LRP1B: variants seen among roughly 807,000 people sequenced by gnomAD.
LRP1B encodes low-density lipoprotein receptor-related protein 1B.
A neutral mutation model predicts 556.6 loss-of-function variants in LRP1B; 217 were observed. The observed-to-expected ratio is 0.39, with a 90% CI of 0.35 to 0.44. The LOEUF is 0.44. Among genes scored for constraint, LRP1B ranks in the 20% least tolerant of loss-of-function variants. The probability of loss-of-function intolerance (pLI) is 1.00; values close to 1 mark genes in which losing one functional copy is unlikely to be tolerated. For missense variants in LRP1B, 5,053 were observed against 5,620.8 expected, an observed-to-expected ratio of 0.90 and a Z score of 3.23; for synonymous variants, 2,047 against 1,865.8, an observed-to-expected ratio of 1.10 and a Z score of -2.50.
intron 1 of LRP1B, among the ~76,000 whole-genome samples, chr2:141,986,042 C>T (rs1702177964): frequency 6.6e-6 from 1 of 151,840 alleles, no homozygotes; most frequent in Non-Finnish European, 1.5e-5. Flanking sequence ...ATTATGTAGA[C>T]ATAAGTAATA....
chr2:142,094,625 GAATT>G (rs1274798030), intron 1 of LRP1B, among the ~76,000 whole-genome samples: 5 of 151,822 alleles, frequency 3.3e-5, no homozygotes, highest in Non-Finnish European at 7.4e-5. Context: ...TTGTTAAATT[GAATT>G]AATAAAAGAT....
intron 3 of LRP1B, among the ~76,000 whole-genome samples, chr2:141,377,456 G>A (rs958532924): frequency 3.3e-5 from 5 of 151,940 alleles, no homozygotes; most frequent in Non-Finnish European, 7.4e-5. Context: ...GTAGTTTAAA[G>A]ACAGGTTCTA....
intron 3 of LRP1B, among the ~76,000 whole-genome samples, chr2:141,451,974 A>G (rs1332156753): frequency 6.6e-6 from 1 of 152,194 alleles, no homozygotes; most frequent in Non-Finnish European, 1.5e-5. Flanking sequence ...TTTACATTTC[A>G]TTTATCCCTT....
Position 141,818,531 on chromosome 2 carries a change from C to CTTTTTTTTTTTTT in LRP1B, c.83-8143_83-8131dup, listed in dbSNP as rs70994453. On this transcript the variant is annotated intron_variant, in intron 1 of 90. Transcript: ENST00000389484. ...TTCCCTAAATATAACATTTCTGTAT[C>CTTTTTTTTTTTTT]TTTTTTTTTTTTTTTTTTTTTTTGA... Among the ~76,000 whole-genome samples the CTTTTTTTTTTTTT allele has an allele frequency of 2.7e-4, 22 of 82,078 alleles. 1 individual carries two copies. The highest frequency in any genetic ancestry group is 3.6e-4 in the Non-Finnish European group (17 of 46,686). 53.8% of individuals were successfully genotyped at this position (82,078 alleles called of 152,430 possible).
At chr2:140,661,594 G>A (rs1189779284) in intron 41 of LRP1B, among the ~76,000 whole-genome samples, 1 of 151,938 alleles carries the variant, frequency 6.6e-6, no homozygotes, top group Non-Finnish European at 1.5e-5. Context: ...TTGAGCCTGG[G>A]CAGTTGAGGC....
intron 22 of LRP1B, among the ~76,000 whole-genome samples, chr2:140,905,713 C>T (rs1694231912): frequency 6.6e-6 from 1 of 152,060 alleles, no homozygotes; most frequent in Non-Finnish European, 1.5e-5. Context: ...TTCCTTAGCA[C>T]ACCCCGACCT....
intron 2 of LRP1B, among the ~76,000 whole-genome samples, chr2:141,650,889 TTGATA>T (rs1209533047): frequency 4.6e-5 from 7 of 152,230 alleles, no homozygotes; most frequent in African/African-American, 1.7e-4. Context: ...AGACTATTTC[TTGATA>T]TGTTTGTTCA....
chr2:140,916,567 T>G (rs1482326873), intron 21 of LRP1B, among the ~76,000 whole-genome samples: 1 of 152,196 alleles, frequency 6.6e-6, no homozygotes, highest in Non-Finnish European at 1.5e-5. Flanking sequence ...CACTTGTCAT[T>G]AACTAATAAC....
intron 52 of LRP1B, among the ~76,000 whole-genome samples, chr2:140,507,940 T>A (rs1470543801): frequency 6.6e-6 from 1 of 152,152 alleles, no homozygotes; most frequent in Non-Finnish European, 1.5e-5. Flanking sequence ...GATACATTTC[T>A]TATAAGGGCT....
At chr2:141,267,668 C>A (rs1308667093) in intron 3 of LRP1B, among the ~76,000 whole-genome samples, 1 of 151,998 alleles carries the variant, frequency 6.6e-6, no homozygotes, top group East Asian at 1.9e-4. Flanking sequence ...AAAAATGCAA[C>A]CAAATTTACC....
intron 2 of LRP1B, among the ~76,000 whole-genome samples, chr2:141,632,671 T>A (rs1688954700): frequency 6.6e-6 from 1 of 152,116 alleles, no homozygotes; most frequent in African/African-American, 2.4e-5. Flanking sequence ...GTTTTATAAT[T>A]CAACATAATA....
intron 1 of LRP1B, among the ~76,000 whole-genome samples, chr2:141,880,828 C>G (rs867904305): frequency 6.6e-6 from 1 of 151,932 alleles, no homozygotes; most frequent in African/African-American, 2.4e-5. Flanking sequence ...GTGAATACAT[C>G]ATCGTGAATT....
chr2:140,631,744 T>C (rs944102375), intron 41 of LRP1B, among the ~76,000 whole-genome samples: 7 of 146,830 alleles, frequency 4.8e-5, no homozygotes, highest in African/African-American at 1.8e-4. Flanking sequence ...TTTGAAATAA[T>C]GGCTATTTTC....
intron 6 of LRP1B, among the ~76,000 whole-genome samples, chr2:141,192,904 G>A (rs970308295): frequency 1.3e-4 from 19 of 151,780 alleles, no homozygotes; most frequent in African/African-American, 4.1e-4. Context: ...AATTTGCACC[G>A]AGTAATAATT....
intron 7 of LRP1B, among the ~76,000 whole-genome samples, chr2:141,156,666 A>G (rs1464628655): frequency 1.3e-5 from 2 of 151,976 alleles, no homozygotes; most frequent in Admixed American, 6.6e-5. Context: ...TCTGAGCAGG[A>G]AATAGGAGTG....
chr2:140,495,884 C>A (rs944119140), intron 55 of LRP1B, 136 bp from the exon 56 acceptor site: 8 of 633,164 alleles, frequency 1.3e-5, no homozygotes, highest in African/African-American at 1.8e-5. Flanking sequence ...CAGCATTTGA[C>A]CTTTGATGGG....
At chr2:141,202,703 C>T (rs953390238) in intron 6 of LRP1B, among the ~76,000 whole-genome samples, 7 of 151,546 alleles carry the variant, frequency 4.6e-5, no homozygotes, top group African/African-American at 7.3e-5. Flanking sequence ...GTTGGCCACA[C>T]GTTACATCTT....
intron 2 of LRP1B, among the ~76,000 whole-genome samples, chr2:141,568,832 C>A (rs1049219957): frequency 2.6e-5 from 4 of 151,218 alleles, no homozygotes; most frequent in Admixed American, 2.6e-4. Context: ...CAGCTCACTG[C>A]AACCTCCACC....
At chr2:141,901,558 T>C (rs986335894) in intron 1 of LRP1B, among the ~76,000 whole-genome samples, 2 of 151,956 alleles carry the variant, frequency 1.3e-5, no homozygotes, top group Non-Finnish European at 2.9e-5. Context: ...CATCACTTTT[T>C]CTTTATACAT....
Sources: gnomAD v4.1 joint callset for allele counts (sites outside exome capture counted in the v4.1 genomes callset) on GRCh38, gnomAD v4.1.1 for gene constraint, MANE v1.5 for transcripts, NCBI Gene and HGNC (gene_info 2026-07-23, HGNC 2026-07-21) for gene names.